JPH2: variants seen among roughly 807,000 people sequenced by gnomAD.
The protein encoded by JPH2 is junctophilin-2.
A neutral mutation model predicts 55.9 loss-of-function variants in JPH2; 38 were observed. That is an observed-to-expected ratio of 0.68 (90% CI 0.52 to 0.89). The LOEUF is 0.89. Among genes scored for constraint, JPH2 ranks in the 40% least tolerant of loss-of-function variants. The pLI, the probability that JPH2 is intolerant of heterozygous loss-of-function variation, is 0.00. For missense variants in JPH2, 964 were observed against 1,037.6 expected (o/e 0.93, Z 0.97); for synonymous variants, 480 against 472.4 (o/e 1.02, Z -0.21).
chr20:44,167,310 T>A (rs2072663254), intron 1 of JPH2, among the ~76,000 whole-genome samples: 2 of 152,240 alleles, frequency 1.3e-5, no homozygotes, highest in African/African-American at 4.8e-5. Context: ...CTTGCTAAGA[T>A]GCTAAGCTCC....
chr20:44,148,992 G>A (rs2072512001), intron 2 of JPH2, among the ~76,000 whole-genome samples: 1 of 151,866 alleles, frequency 6.6e-6, no homozygotes, highest in African/African-American at 2.4e-5. Context: ...GCGTGAACCT[G>A]GTAGGCGGAG....
intron 1 of JPH2, among the ~76,000 whole-genome samples, chr20:44,164,825 AC>A (rs1328103417): frequency 1.2e-4 from 16 of 131,150 alleles, no homozygotes; most frequent in African/African-American, 4.8e-4. Flanking sequence ...AATGTTCTGC[AC>A]CTTTTTTTTT....
Position 44,177,774 on chromosome 20 carries a change from C to T in JPH2, c.379+8553G>A, listed in dbSNP as rs549136705. 66 of 1,482,848 alleles carry T rather than the reference C, an allele frequency of 4.5e-5. 1 individual carries two copies. The East Asian group carries it at 1.4e-3, about 32-fold the overall frequency. The allele number at this position is 1,482,848 out of a possible 1,614,324, so 91.9% of individuals were successfully genotyped here. ...ATTTACTGTTCCAAAGTCAAAAACT[C>T]GTTTTTGTCCTCAAATATCCTCCCG... On this transcript the variant is annotated intron_variant, in intron 1 of 5. Coordinates refer to ENST00000372980, the MANE Select transcript of JPH2 (RefSeq NM_020433.5).
chr20:44,180,335 A>T (rs1220926180), intron 1 of JPH2, among the ~76,000 whole-genome samples: 14 of 149,630 alleles, frequency 9.4e-5, no homozygotes, highest in East Asian at 6.0e-4. Flanking sequence ...TATTATATTT[A>T]TTTTATTTTT....
chr20:44,169,094 G>A (rs2072678163), intron 1 of JPH2, among the ~76,000 whole-genome samples: 1 of 151,930 alleles, frequency 6.6e-6, no homozygotes, highest in South Asian at 2.1e-4. Context: ...AGAGGTAGAT[G>A]CTCCACCTTG....
Position 44,185,669 on chromosome 20 carries a change from A to ATG in JPH2, c.379+657_379+658insCA, listed in dbSNP as rs374943774. ...AAAAAAGAATCCATGGATGGATCAT[A>ATG]GATGGATGGATGGATGGATGGATGG... On this transcript the variant is annotated intron_variant, in intron 1 of 5. Coordinates refer to ENST00000372980, the MANE Select transcript of JPH2 (RefSeq NM_020433.5). 2.4e-3 allele frequency among the ~76,000 whole-genome samples: 362 copies of ATG among 148,048 alleles called. 11 individuals are homozygous for ATG. The East Asian group carries it at 0.048, about 20-fold the overall frequency.
In JPH2 at chr20:44,108,093, G is replaced by A. The variant is rs1319525619; in HGVS notation, c.*5425C>T. ...GGTTAAGTTCAACCATGTGGGAAAT[G>A]ATTCAATCAATCACCTCTACATAAT... On this transcript the variant is annotated 3_prime_UTR_variant, in exon 6 of 6. Coordinates refer to ENST00000372980, the MANE Select transcript of JPH2 (RefSeq NM_020433.5). 1.3e-5 allele frequency among the ~76,000 whole-genome samples: 2 copies of A among 152,154 alleles called. No homozygotes were observed. The highest frequency in any genetic ancestry group is 2.9e-5 in the Non-Finnish European group (2 of 68,036).
chr20:44,118,483 A>T (rs748866112), intron 3 of JPH2, 22 bp downstream of exon 3: 19 of 1,586,978 alleles, frequency 1.2e-5, no homozygotes, highest in Middle Eastern at 1.7e-4. Flanking sequence ...TACCCTGCCC[A>T]TCCTTCCCTG....
At chr20:44,128,527 A>G (rs2072293031) in intron 2 of JPH2, among the ~76,000 whole-genome samples, 1 of 152,110 alleles carries the variant, frequency 6.6e-6, no homozygotes, top group South Asian at 2.1e-4. Context: ...GGTGGGTGAC[A>G]TGTTCATAAT....
At position 44,108,236 on chromosome 20, in the gene JPH2, G is replaced by A. The variant is rs1264583634; in HGVS notation, c.*5282C>T. ...GGTAACAGATACCGAGGACACGGGT[G>A]TTTAGCATTTGGAACCCTCCCAGAT... On this transcript the variant is annotated 3_prime_UTR_variant, in exon 6 of 6. Transcript: ENST00000372980. Among the ~76,000 whole-genome samples the A allele has an allele frequency of 6.6e-6, 1 of 152,198 alleles. No individual in the cohort carries two copies. The highest frequency in any genetic ancestry group is 1.5e-5 in the Non-Finnish European group (1 of 68,020).
chr20:44,159,863 G>A lies in JPH2; in HGVS notation c.924C>T (p.Arg308=). The A allele has an allele frequency of 1.2e-6, 2 of 1,613,490 alleles. No homozygotes were observed. Among genetic ancestry groups the A allele is most frequent in the Non-Finnish European group, 1.7e-6 (2 of 1,179,868 alleles). ...DKRSGFGVSE[R]SSGLRYEGEW... is the part of the protein sequence containing the mutation. ...CGCCCTCGTAGCGGAGGCCACTGGA[G>A]CGTTCGCTCACGCCGAAGCCCGAGC... The change falls in exon 2 of 6, where the codon CGC becomes CGT. Residue 308 remains arginine, a synonymous_variant. Coordinates refer to ENST00000372980, the MANE Select transcript of JPH2 (RefSeq NM_020433.5). This position sits in a 1 kb window ranked among gnomAD's most constrained non-coding sequence, Gnocchi z 5.7.
intron 1 of JPH2, among the ~76,000 whole-genome samples, chr20:44,170,704 C>T (rs1302811971): frequency 6.6e-6 from 1 of 152,200 alleles, no homozygotes; most frequent in Non-Finnish European, 1.5e-5. Context: ...AGGGCTAAGA[C>T]AGCTTTGGAG....
In JPH2 at chr20:44,107,383, T is replaced by C. The variant is rs1473122220; in HGVS notation, c.*6135A>G. Among the ~76,000 whole-genome samples, 4 of 152,152 alleles carry C rather than the reference T, an allele frequency of 2.6e-5. No homozygotes were observed. Among genetic ancestry groups the C allele is most frequent in the Admixed American group, 6.5e-5 (1 of 15,278 alleles). Reference sequence around the variant, plus strand: ...TCCTTCTCTTCTCCCTGAGGACACATGTAGTCCGTATTTCCCAGCCTCCCT... The same window carrying C: ...TCCTTCTCTTCTCCCTGAGGACACACGTAGTCCGTATTTCCCAGCCTCCCT... On this transcript the variant is annotated 3_prime_UTR_variant, in exon 6 of 6. Transcript: ENST00000372980.
intron 2 of JPH2, among the ~76,000 whole-genome samples, chr20:44,140,811 A>G (rs2072451497): frequency 6.6e-6 from 1 of 152,122 alleles, no homozygotes; most frequent in Non-Finnish European, 1.5e-5. Context: ...CCACTATTGA[A>G]TGACTGTGGT....
At chr20:44,143,740 G>C (rs2072474895) in intron 2 of JPH2, among the ~76,000 whole-genome samples, 2 of 152,198 alleles carry the variant, frequency 1.3e-5, no homozygotes, top group South Asian at 4.1e-4. Flanking sequence ...AGGGCCCCAT[G>C]AGAGTTTTGT....
Position 44,115,733 on chromosome 20 carries a change from C to T in JPH2, c.1942G>A (p.Ala648Thr), listed in dbSNP as rs2072183941. ...TTCCGCGCCTTCTTCTTGGCCCCCG[C>T]CTTGGTCAGCCCTCGAGCCTCAGTC... ...RKTEARGLTK[A>T]GAKKKARKEA... Residue 648 changes from alanine to threonine, a missense_variant, in exon 4 of 6, where the codon GCG (alanine) becomes ACG (threonine). Physicochemically the swap from Ala to Thr is moderately conservative, Grantham distance 58. Transcript: ENST00000372980. 1 of 1,613,596 alleles carries T rather than the reference C, an allele frequency of 6.2e-7. No individual in the cohort carries two copies. The highest frequency in any genetic ancestry group is 1.7e-5 in the Admixed American group (1 of 60,028).
rs1251399983 is a variant in JPH2, at chr20:44,134,177, A to AAT, written c.1170-15556_1170-15555dup. On this transcript the variant is annotated intron_variant, in intron 2 of 5. Transcript: ENST00000372980. ...TATAAATATATAAATATTTATTATA[A>AAT]ATATATAAATATTTATTATAAATAT... Among the ~76,000 whole-genome samples the AAT allele has an allele frequency of 1.0e-3, 25 of 24,218 alleles. 3 individuals are homozygous for AAT. The highest frequency in any genetic ancestry group is 2.5e-3 in the African/African-American group (18 of 7,062). The allele number at this position is 24,218 out of a possible 152,430, so 15.9% of individuals were successfully genotyped here.
chr20:44,138,759 C>CT (rs199656539), intron 2 of JPH2, among the ~76,000 whole-genome samples: 184 of 151,816 alleles, frequency 1.2e-3, no homozygotes, highest in African/African-American at 4.1e-3. Context: ...TCTTCTTTTT[C>CT]TTTTTTTTGG....
rs1189550571 is a variant in JPH2 at position 44,186,588 on chromosome 20, C to A, written c.118G>T (p.Gly40Cys). 1.2e-6 allele frequency: 2 copies of A among 1,613,946 alleles called. No homozygotes were observed. Among genetic ancestry groups the A allele is most frequent in the South Asian group, 2.2e-5 (2 of 91,080 alleles). ...ACCTCAAAGCCAAAGTTCCAGGAGC[C>A]AGAGTATTCGCCCTGGCCCTTGGGG... is the stretch of plus-strand genomic sequence containing the variant. ...TGPKGQGEYS[G>C]SWNFGFEVAG... Residue 40 changes from glycine to cysteine, a missense_variant, in exon 1 of 6, where the codon GGC becomes TGC. By Grantham distance (159) the Gly-to-Cys change is radical. Transcript: ENST00000372980.
Sources: allele counts gnomAD v4.1 joint callset (sites outside exome capture counted in the v4.1 genomes callset), GRCh38; gene constraint gnomAD v4.1.1; non-coding constraint Gnocchi (gnomAD v3.1); transcripts MANE v1.5; gene names NCBI Gene and HGNC (gene_info 2026-07-23, HGNC 2026-07-21).